The following TBX3 variants were observed in gnomAD, a reference collection of about 807,000 sequenced individuals.
TBX3 encodes T-box transcription factor 3, also known as T-box transcription factor TBX3.
Under a neutral mutation model 47.8 loss-of-function variants are expected in TBX3, and 11 were observed. The observed-to-expected ratio is 0.23, with a 90% CI of 0.14 to 0.38. TBX3 has a LOEUF of 0.38. Among genes scored for constraint, TBX3 ranks in the 10% least tolerant of loss-of-function variants. The probability of loss-of-function intolerance (pLI) is 1.00; values close to 1 mark genes in which losing one functional copy is unlikely to be tolerated. For synonymous variants in TBX3, 500 were observed against 449.3 expected (o/e 1.11, Z -1.43); for missense variants, 927 against 1,022.8 (o/e 0.91, Z 1.28).
chr12:114,683,173 T>TGAC lies in TBX3; in HGVS notation c.25_27dup (p.Val9dup). ...TGGTAGGCCATGCTTGTCCCAGGAA[T>TGAC]GACCGGATCTCTCATGGAGAGGCTC... On this transcript the variant is annotated inframe_insertion, in exon 1 of 7. Transcript: ENST00000349155. This position sits in a 1 kb window ranked among gnomAD's most constrained non-coding sequence, Gnocchi z 7.7. 2 of 1,612,006 alleles carry TGAC rather than the reference T, an allele frequency of 1.2e-6. No homozygotes were observed. The highest frequency in any genetic ancestry group is 1.7e-4 in the Middle Eastern group (1 of 5,838).
chr12:114,674,169 G>C lies in TBX3; in HGVS notation c.1706C>G (p.Ser569Cys). The C allele has an allele frequency of 1.9e-6, 3 of 1,582,766 alleles. No homozygotes were observed. The highest frequency in any genetic ancestry group is 8.6e-7 in the Non-Finnish European group (1 of 1,166,438). Residue 569 changes from serine (S) to cysteine (C), a missense_variant, in exon 6 of 7, where the codon TCT (serine) becomes TGT (cysteine). By Grantham distance (112) the Ser-to-Cys change is moderately radical (BLOSUM62 -1). This residue lies in a region of TBX3 where 623 missense variants were observed against 569.0 expected (regional missense o/e 1.09). Transcript: ENST00000349155. ...PFHLQQHVLA[S>C]QGLAMSPFGS... ...GGCAGGAAGAAGGATCCATACCTGA[G>C]AGGCCAGGACGTGCTGCTGGAGGTG...
Position 114,683,520 on chromosome 12 carries a change from G to C in TBX3, c.-320C>G. ...TCCTGAACGTCGGTTTCAGAAGCGA[G>C]AGGAGCGAGCAGGGTCTCGACTCGC... On this transcript the variant is annotated 5_prime_UTR_variant, in exon 1 of 7. Transcript: ENST00000349155. The surrounding 1 kb of genome is among the most constrained non-coding windows in gnomAD (Gnocchi z 7.7). The C allele has an allele frequency of 7.8e-6, 3 of 382,180 alleles. No homozygotes were observed. The highest frequency in any genetic ancestry group is 1.4e-5 in the Non-Finnish European group (3 of 211,618). The allele number at this position is 382,180 out of a possible 1,614,324, so 23.7% of individuals were successfully genotyped here. A position where few individuals can be genotyped will look rare whatever the true frequency, so the allele number is the denominator to read the frequency against.
chr12:114,679,363 C>A (rs1453208293), intron 3 of TBX3, 142 bp downstream of exon 3: 15 of 1,177,542 alleles, frequency 1.3e-5, no homozygotes, highest in Non-Finnish European at 1.9e-5. Context: ...ATTGTCCTTT[C>A]CCCCCAAATG....
intron 6 of TBX3, 43 bp downstream of exon 6, chr12:114,674,122 G>A: frequency 6.4e-7 from 1 of 1,563,014 alleles, no homozygotes; most frequent in Admixed American, 2.0e-5. Context: ...GAAACTGGAC[G>A]AAAGGTGGAA....
rs890022607 is a variant in TBX3, at chr12:114,683,322, AAAAG to A, written c.-126_-123del. 2.7e-5 allele frequency: 36 copies of A among 1,335,938 alleles called. No homozygotes were observed. The highest frequency in any genetic ancestry group is 1.0e-4 in the African/African-American group (7 of 68,004). The allele number at this position is 1,335,938 out of a possible 1,614,324, so 82.8% of individuals were successfully genotyped here. Reference sequence around the variant, plus strand: ...CAAAAGGGGGGAAAAAGCAAAACAAAAAAGAAAGAAAAAAGAAAAGGAGGCAGAA... The same window carrying A: ...CAAAAGGGGGGAAAAAGCAAAACAAAAAAGAAAAAAGAAAAGGAGGCAGAA... On this transcript the variant is annotated 5_prime_UTR_variant, in exon 1 of 7. Coordinates refer to ENST00000349155, the MANE Select transcript of TBX3 (RefSeq NM_005996.4). This position sits in a 1 kb window ranked among gnomAD's most constrained non-coding sequence, Gnocchi z 7.7.
Position 114,671,998 on chromosome 12 carries a change from A to G in TBX3, c.2015T>C (p.Leu672Pro). The change falls in exon 7 of 7, where the codon CTC becomes CCC. Residue 672 changes from leucine (L) to proline (P), a missense_variant. Leu to Pro is a moderately conservative substitution (Grantham distance 98). This residue lies in a region of TBX3 where 623 missense variants were observed against 569.0 expected (regional missense o/e 1.09). Transcript: ENST00000349155. The stretch of plus-strand genomic sequence containing the variant: ...GGAGAGCGTGGAGGAGCGGCTGTTG[A>G]GTTCAGAGCCCGAGTCCACTGCCAC... ...ASVAVDSGSE[L>P]NSRSSTLSSS... 1 of 1,599,926 alleles carries G rather than the reference A, an allele frequency of 6.3e-7. No individual in the cohort carries two copies. Among genetic ancestry groups the G allele is most frequent in the Non-Finnish European group, 8.5e-7 (1 of 1,173,508 alleles).
rs531519821 is a variant in TBX3, at chr12:114,676,211, G to A, written c.1039+102C>T. Reference sequence around the variant, plus strand: ...TTTAAGGATGTTTAGAAGGCTTCTAGCTTTTAAAGGGCAAGTGCCCTGGTT... The same window carrying A: ...TTTAAGGATGTTTAGAAGGCTTCTAACTTTTAAAGGGCAAGTGCCCTGGTT... On this transcript the variant is annotated intron_variant, in intron 5 of 6. Coordinates refer to ENST00000349155, the MANE Select transcript of TBX3 (RefSeq NM_005996.4). 43 of 1,483,460 alleles carry A rather than the reference G, an allele frequency of 2.9e-5. No homozygotes were observed. In the African/African-American group the frequency reaches 2.9e-4, roughly 10 times the overall value. The allele number at this position is 1,483,460 out of a possible 1,614,324, so 91.9% of individuals were successfully genotyped here. A position where few individuals can be genotyped will look rare whatever the true frequency, so the allele number is the denominator to read the frequency against.
At chr12:114,672,432 T>C (rs1868488593) in intron 6 of TBX3, 130 bp from the exon 7 acceptor site, 2 of 508,542 alleles carry the variant, frequency 3.9e-6, no homozygotes, top group South Asian at 7.2e-5. Context: ...GTTGTTGTTG[T>C]TGTGTTTTTT....
Position 114,671,399 on chromosome 12 carries a change from T to G in TBX3, c.*442A>C. ...TTTAATCTGCACAAACAGAATCATG[T>G]TAATGTGTTCACTTGTCCCGATTTT... On this transcript the variant is annotated 3_prime_UTR_variant, in exon 7 of 7. Transcript: ENST00000349155. The G allele has an allele frequency of 3.6e-6, 1 of 280,674 alleles. No individual in the cohort carries two copies. Among genetic ancestry groups the G allele is most frequent in the Non-Finnish European group, 6.8e-6 (1 of 147,086 alleles). 17.4% of individuals were successfully genotyped at this position (280,674 alleles called of 1,614,324 possible). A position where few individuals can be genotyped will look rare whatever the true frequency, so the allele number is the denominator to read the frequency against.
chr12:114,674,799 G>GCCTCGGCGTCGCTCTCAC lies in TBX3; in HGVS notation c.1058_1075dup (p.Gly353_Glu358dup). On this transcript the variant is annotated inframe_insertion, in exon 6 of 7. Transcript: ENST00000349155. ...GGGGCCATGCTCCTCTTTGCTCTCG[G>GCCTCGGCGTCGCTCTCAC]CCTCGGCGTCGCTCTCACCCTCGCT... is the stretch of plus-strand genomic sequence containing the variant. The GCCTCGGCGTCGCTCTCAC allele has an allele frequency of 3.2e-6, 5 of 1,581,986 alleles. No homozygotes were observed. The highest frequency in any genetic ancestry group is 4.3e-6 in the Non-Finnish European group (5 of 1,169,744).
rs1278701348 is a variant in TBX3, at chr12:114,683,714, C to G, written c.-514G>C. ...CCTATCTGTCTTCCTCTCCCTCTTT[C>G]TCGCTGGTGGCGTCTGCAGCTGTGC... is the stretch of plus-strand genomic sequence containing the variant. On this transcript the variant is annotated 5_prime_UTR_variant, in exon 1 of 7. Transcript: ENST00000349155. The surrounding 1 kb of genome is among the most constrained non-coding windows in gnomAD (Gnocchi z 7.7). The G allele has an allele frequency of 4.3e-6, 1 of 231,276 alleles. No homozygotes were observed. The highest frequency in any genetic ancestry group is 8.5e-6 in the Non-Finnish European group (1 of 117,292). 14.3% of individuals were successfully genotyped at this position (231,276 alleles called of 1,614,324 possible).
chr12:114,681,275 G>T, intron 1 of TBX3, 129 bp from the exon 2 acceptor site: 1 of 1,313,304 alleles, frequency 7.6e-7, no homozygotes, highest in Non-Finnish European at 1.0e-6. Flanking sequence ...AAGCTTACAT[G>T]TTTCAGAGTG....
chr12:114,680,170 C>T, intron 2 of TBX3: 2 of 621,508 alleles, frequency 3.2e-6, no homozygotes, highest in Middle Eastern at 3.3e-4. Context: ...TTCGCGTCTT[C>T]CTGGGCCTAA....
In TBX3 at chr12:114,671,784, A is replaced by G. The variant is rs567138179; in HGVS notation, c.*57T>C. 481 of 1,544,146 alleles carry G rather than the reference A, an allele frequency of 3.1e-4. 8 individuals are homozygous for G. The South Asian group carries it at 5.5e-3, about 18-fold the overall frequency. ...GGGCCCGTGGTTTATTTTATATCCG[A>G]CAAAGTGCACGGCAGCCTGAACTGG... On this transcript the variant is annotated 3_prime_UTR_variant, in exon 7 of 7. Transcript: ENST00000349155.
In TBX3 at chr12:114,674,048, A is replaced by G. The variant is rs540579856; in HGVS notation, c.1710+117T>C. 9.2e-4 allele frequency: 1,206 copies of G among 1,310,396 alleles called. 3 individuals carry two copies. The highest frequency in any genetic ancestry group is 1.1e-3 in the Non-Finnish European group (1,068 of 948,248). The allele number at this position is 1,310,396 out of a possible 1,614,324, so 81.2% of individuals were successfully genotyped here. A position where few individuals can be genotyped will look rare whatever the true frequency, so the allele number is the denominator to read the frequency against. On this transcript the variant is annotated intron_variant, in intron 6 of 6. Coordinates refer to ENST00000349155, the MANE Select transcript of TBX3 (RefSeq NM_005996.4). ...TAAGCCTTGAACCCGGTAATGGCTC[A>G]GTAAAAATTATTACAGCTACTAGGC...
chr12:114,683,326 G>A lies in TBX3; in HGVS notation c.-126C>T. The A allele has an allele frequency of 2.2e-6, 3 of 1,336,384 alleles. No individual in the cohort carries two copies. Among genetic ancestry groups the A allele is most frequent in the Admixed American group, 4.8e-5 (2 of 41,538 alleles). The allele number at this position is 1,336,384 out of a possible 1,614,324, so 82.8% of individuals were successfully genotyped here. A position where few individuals can be genotyped will look rare whatever the true frequency, so the allele number is the denominator to read the frequency against. On this transcript the variant is annotated 5_prime_UTR_variant, in exon 1 of 7. Transcript: ENST00000349155. The surrounding 1 kb of genome is among the most constrained non-coding windows in gnomAD (Gnocchi z 7.7). ...AGGGGGGAAAAAGCAAAACAAAAAA[G>A]AAAGAAAAAAGAAAAGGAGGCAGAA...
rs1474497498 is a variant in TBX3 at position 114,681,162 on chromosome 12, A to G, written c.390-16T>C. 8.1e-6 allele frequency: 13 copies of G among 1,613,808 alleles called. No individual in the cohort carries two copies. The South Asian group carries it at 1.1e-4, about 14-fold the overall frequency. On this transcript the variant is annotated splice_polypyrimidine_tract_variant and intron_variant, in intron 1 of 6. Coordinates refer to ENST00000349155, the MANE Select transcript of TBX3 (RefSeq NM_005996.4). ...AAACATTCGCCTATAAAACGAAAGA[A>G]TAGAAAAGAAAAAGAAAGATAAACC...
chr12:114,682,517 CT>C (rs34428684), intron 1 of TBX3, among the ~76,000 whole-genome samples: 161 of 145,260 alleles, frequency 1.1e-3, no homozygotes, highest in Middle Eastern at 7.2e-3. Flanking sequence ...AGTAGAGTGC[CT>C]TTTTTTTTTT....
Position 114,671,878 on chromosome 12 carries a change from T to G in TBX3, c.2135A>C (p.Glu712Ala). ...GCTGCGGGACCTGTCCGGCTTGGCT[T>G]CCAAGCCGCTAACCAACCGCTGGAT... ...QSIQRLVSGL[E>A]AKPDRSRSAS... Residue 712 changes from glutamate (E) to alanine (A), a missense_variant, in exon 7 of 7, where the codon GAA (glutamate) becomes GCA (alanine). Glu to Ala is a moderately radical substitution (Grantham distance 107). Coordinates refer to ENST00000349155, the MANE Select transcript of TBX3 (RefSeq NM_005996.4). The G allele has an allele frequency of 6.4e-7, 1 of 1,562,668 alleles. No individual in the cohort carries two copies. The highest frequency in any genetic ancestry group is 8.7e-7 in the Non-Finnish European group (1 of 1,154,580).
Sources: gnomAD v4.1 joint callset for allele counts (sites outside exome capture counted in the v4.1 genomes callset) on GRCh38, gnomAD v4.1.1 for gene constraint, gnomAD v4.1.1 regional missense constraint, Gnocchi (gnomAD v3.1) non-coding constraint, MANE v1.5 for transcripts, NCBI Gene and HGNC (gene_info 2026-07-23, HGNC 2026-07-21) for gene names.